Variants in LPIN1 observed in about 807,000 individuals in gnomAD.
LPIN1 encodes phosphatidate phosphatase LPIN1.
In LPIN1, 71 loss-of-function variants were observed where a neutral mutation model predicts 107.5. The ratio of observed to expected loss-of-function variants is 0.66; its 90% CI spans 0.55 to 0.80. The LOEUF is 0.80. Ranked by LOEUF, LPIN1 falls within the 30% of genes least tolerant of loss-of-function variation. The probability of loss-of-function intolerance (pLI) is 0.00; values close to 1 mark genes in which losing one functional copy is unlikely to be tolerated. For synonymous variants in LPIN1, 445 were observed against 452.6 expected, an observed-to-expected ratio of 0.98 and a Z score of 0.21; for missense variants, 1,043 against 1,160.6, an observed-to-expected ratio of 0.90 and a Z score of 1.47.
At chr2:11,712,345 C>G (rs1397621055) in intron 1 of LPIN1, among the ~76,000 whole-genome samples, 1 of 152,210 alleles carries the variant, frequency 6.6e-6, no homozygotes, top group Non-Finnish European at 1.5e-5. Context: ...GCAGAAGGCA[C>G]GAACCTTCCC....
chr2:11,826,373 T>A lies in LPIN1; in HGVS notation c.*1582T>A, dbSNP rs1034357247. The A allele has an allele frequency of 1.3e-5, 2 of 152,592 alleles. No homozygotes were observed. The highest frequency in any genetic ancestry group is 2.9e-5 in the Non-Finnish European group (2 of 68,034). The allele number at this position is 152,592 out of a possible 1,614,324, so 9.5% of individuals were successfully genotyped here. On this transcript the variant is annotated 3_prime_UTR_variant, in exon 21 of 21. Coordinates refer to ENST00000674199, the MANE Select transcript of LPIN1 (RefSeq NM_001349206.2). ...ACAGATCTGCCATCGATCGCAGATT[T>A]CTGTAGAAACACGGATGTGCATGTG...
intron 5 of LPIN1, among the ~76,000 whole-genome samples, chr2:11,775,290 A>G (rs185121594): frequency 6.6e-5 from 10 of 152,332 alleles, no homozygotes; most frequent in Admixed American, 2.0e-4. Flanking sequence ...AGGGAAAAAT[A>G]GTGGTTTAGG....
rs904800166 is a variant in LPIN1 at position 11,765,164 on chromosome 2, A to G, written c.-9-369A>G. Among the ~76,000 whole-genome samples, 17 of 137,202 alleles carry G rather than the reference A, an allele frequency of 1.2e-4. No homozygotes were observed. The highest frequency in any genetic ancestry group is 2.4e-4 in the South Asian group (1 of 4,128). 90.0% of individuals were successfully genotyped at this position (137,202 alleles called of 152,430 possible). A position where few individuals can be genotyped will look rare whatever the true frequency, so the allele number is the denominator to read the frequency against. ...GCCATGATGGACCGTGATGGGCCGT[A>G]ACGGGCCGTGATGGACCCTGATGGG... On this transcript the variant is annotated intron_variant, in intron 1 of 20. Transcript: ENST00000674199. This position sits in a 1 kb window ranked among gnomAD's most constrained non-coding sequence, Gnocchi z 4.4.
chr2:11,712,627 G>T (rs1247112618), intron 1 of LPIN1, among the ~76,000 whole-genome samples: 1 of 145,758 alleles, frequency 6.9e-6, no homozygotes, highest in Non-Finnish European at 1.5e-5. Context: ...TGCTGGAAAA[G>T]CTAAGTGGGT....
At chr2:11,724,280 T>TG (rs1176107511), upstream of LPIN1, 3 of 913,206 alleles carry the variant, frequency 3.3e-6, no homozygotes, top group East Asian at 1.2e-4. Context: ...ATAGTCCCCG[T>TG]GGGGGGCATC....
chr2:11,694,588 C>A (rs1292905040), intron 1 of LPIN1, among the ~76,000 whole-genome samples: 1 of 152,216 alleles, frequency 6.6e-6, no homozygotes, highest in East Asian at 1.9e-4. Context: ...AGCGCTATAT[C>A]ATAATGCACC....
At chr2:11,763,987 G>GTGTGTGTA (rs1359205019) in intron 1 of LPIN1, among the ~76,000 whole-genome samples, 1 of 132,926 alleles carries the variant, frequency 7.5e-6, no homozygotes, top group Non-Finnish European at 1.6e-5. Flanking sequence ...GTGTGTGTGT[G>GTGTGTGTA]TATATATATA....
intron 1 of LPIN1, among the ~76,000 whole-genome samples, chr2:11,700,434 A>G (rs1662809237): frequency 6.6e-6 from 1 of 151,856 alleles, no homozygotes; most frequent in African/African-American, 2.4e-5. Context: ...CCTCTGGTCC[A>G]TTGCACTATT....
Position 11,771,302 on chromosome 2 carries a change from C to T in LPIN1, c.289-70C>T, listed in dbSNP as rs1002128351. On this transcript the variant is annotated intron_variant, in intron 3 of 20. Coordinates refer to ENST00000674199, the MANE Select transcript of LPIN1 (RefSeq NM_001349206.2). This position sits in a 1 kb window ranked among gnomAD's most constrained non-coding sequence, Gnocchi z 4.8. ...GGCCTCTGAAGTGAATCCTGGAGGC[C>T]TCTGGCAAGGCCCTGCTTCTTATAC... The T allele has an allele frequency of 2.3e-5, 35 of 1,525,046 alleles. No homozygotes were observed. In the Admixed American group the frequency reaches 5.7e-4, roughly 25 times the overall value. 94.5% of individuals were successfully genotyped at this position (1,525,046 alleles called of 1,614,324 possible).
chr2:11,788,996 C>T (rs965783025), intron 12 of LPIN1, among the ~76,000 whole-genome samples: 3 of 152,326 alleles, frequency 2.0e-5, no homozygotes, highest in South Asian at 2.1e-4. Context: ...AGGGCAGCCA[C>T]GCCACCTGCC....
chr2:11,724,571 T>C (rs1664408503), intron 1 of LPIN1: 2 of 985,386 alleles, frequency 2.0e-6, no homozygotes, highest in Admixed American at 1.2e-4. Flanking sequence ...TATCTGAAGT[T>C]AATGGAAGCT....
intron 7 of LPIN1, among the ~76,000 whole-genome samples, chr2:11,781,975 A>T (rs1673644528): frequency 6.6e-6 from 1 of 152,162 alleles, no homozygotes; most frequent in Non-Finnish European, 1.5e-5. Context: ...TGCTAATCTC[A>T]CTTCTCTTTG....
At position 11,697,493 on chromosome 2, in the gene LPIN1, C is replaced by T. The variant is rs755287690; in HGVS notation, c.82-16263C>T. Among the ~76,000 whole-genome samples, 1 of 152,234 alleles carries T rather than the reference C, an allele frequency of 6.6e-6. No individual in the cohort carries two copies. Among genetic ancestry groups the T allele is most frequent in the East Asian group, 1.9e-4 (1 of 5,192 alleles). Reference sequence around the variant, plus strand: ...TTGGCCTAGAAGCTGGAAGTCTGCCCGAATCTGTGCGTCGTGTCTTGGGAA... The same window carrying T: ...TTGGCCTAGAAGCTGGAAGTCTGCCTGAATCTGTGCGTCGTGTCTTGGGAA... On this transcript the variant is annotated intron_variant, in intron 1 of 21. Coordinates refer to the LPIN1 transcript ENST00000449576. The surrounding 1 kb of genome is among the most constrained non-coding windows in gnomAD (Gnocchi z 4.6).
At chr2:11,766,407 G>T (rs1252900013) in intron 2 of LPIN1, among the ~76,000 whole-genome samples, 2 of 152,156 alleles carry the variant, frequency 1.3e-5, no homozygotes, top group East Asian at 3.8e-4. Flanking sequence ...CTGCCTGCAG[G>T]GTGGCCAATT....
Position 11,820,397 on chromosome 2 carries a change from T to A in LPIN1, c.2518-14T>A. 1 of 1,527,082 alleles carries A rather than the reference T, an allele frequency of 6.5e-7. No homozygotes were observed. The highest frequency in any genetic ancestry group is 9.1e-7 in the Non-Finnish European group (1 of 1,100,776). 94.6% of individuals were successfully genotyped at this position (1,527,082 alleles called of 1,614,324 possible). On this transcript the variant is annotated splice_polypyrimidine_tract_variant and intron_variant, in intron 19 of 20. Transcript: ENST00000674199. ...TTTCTAATGAACACTTTAAATCACC[T>A]TTACCAAATATAGGATGTGTATTCA...
intron 2 of LPIN1, 40 bp from the exon 3 acceptor site, chr2:11,767,723 A>G: frequency 2.3e-6 from 3 of 1,325,980 alleles, no homozygotes; most frequent in Non-Finnish European, 3.3e-6. Context: ...TGTCCTGGTG[A>G]AGGCAGTTCA....
At chr2:11,706,489 G>C (rs1311572523) in intron 1 of LPIN1, among the ~76,000 whole-genome samples, 4 of 152,270 alleles carry the variant, frequency 2.6e-5, no homozygotes, top group Non-Finnish European at 5.9e-5. Flanking sequence ...AATGTCATTA[G>C]ATGAACTTAG....
intron 1 of LPIN1, among the ~76,000 whole-genome samples, chr2:11,700,936 C>T (rs1019869106): frequency 3.9e-5 from 6 of 152,188 alleles, no homozygotes; most frequent in South Asian, 2.1e-4. Flanking sequence ...CTGTCCTGGG[C>T]GGGATACCTC....
intron 1 of LPIN1, among the ~76,000 whole-genome samples, chr2:11,725,444 C>T (rs145575366): frequency 4.6e-5 from 7 of 152,200 alleles, no homozygotes; most frequent in East Asian, 3.9e-4. Flanking sequence ...CAATAGGTAC[C>T]GGAACTTCAA....
Sources: allele counts gnomAD v4.1 joint callset (sites outside exome capture counted in the v4.1 genomes callset), GRCh38; gene constraint gnomAD v4.1.1; non-coding constraint Gnocchi (gnomAD v3.1); transcripts MANE v1.5; gene names NCBI Gene and HGNC (gene_info 2026-07-23, HGNC 2026-07-21).